The following INPP5D variants were observed in gnomAD, a reference collection of about 807,000 sequenced individuals.
INPP5D encodes the protein inositol polyphosphate-5-phosphatase D, also known as phosphatidylinositol 3,4,5-trisphosphate 5-phosphatase 1.
INPP5D carries 33 observed loss-of-function variants against 122.9 expected under a neutral mutation model. The ratio of observed to expected loss-of-function variants is 0.27; its 90% confidence interval spans 0.20 to 0.36. INPP5D has a LOEUF of 0.36. INPP5D is among the 10% of genes least tolerant of loss of function. The pLI is 1.00. For synonymous variants in INPP5D, 584 were observed against 576.2 expected, an observed-to-expected ratio of 1.01 and a Z score of -0.19; for missense variants, 1,053 against 1,412.7, an observed-to-expected ratio of 0.75 and a Z score of 4.08.
chr2:233,175,212 C>G (rs896643707), intron 17 of INPP5D, among the ~76,000 whole-genome samples: 2 of 62,082 alleles, frequency 3.2e-5, no homozygotes, highest in African/African-American at 1.5e-4. Flanking sequence ...GGCGAGACTC[C>G]ATCTCAAAAA....
At position 233,146,258 on chromosome 2, in the gene INPP5D, C is replaced by T; in HGVS notation, c.834+16C>T. On this transcript the variant is annotated intron_variant, in intron 7 of 26. Coordinates refer to ENST00000445964, the MANE Select transcript of INPP5D (RefSeq NM_001017915.3). Reference sequence around the variant, plus strand: ...TGAAGACAAGGTACGTGTGGGGCTCCTGCGGCTTCTCTTGGTCTCCTCTTT... The same window carrying T: ...TGAAGACAAGGTACGTGTGGGGCTCTTGCGGCTTCTCTTGGTCTCCTCTTT... The T allele has an allele frequency of 5.7e-6, 4 of 704,276 alleles. No individual in the cohort carries two copies. In the East Asian group the frequency reaches 1.1e-4, roughly 19 times the overall value. 43.6% of individuals were successfully genotyped at this position (704,276 alleles called of 1,614,324 possible).
intron 1 of INPP5D, among the ~76,000 whole-genome samples, chr2:233,073,598 C>T (rs1252828309): frequency 1.4e-5 from 2 of 144,494 alleles, no homozygotes; most frequent in African/African-American, 5.3e-5. Flanking sequence ...CGAGATCGAG[C>T]CATTGCACTC....
intron 2 of INPP5D, 60 bp downstream of exon 2, chr2:233,079,458 G>C (rs1388773803): frequency 1.0e-5 from 11 of 1,085,890 alleles, no homozygotes; most frequent in Admixed American, 8.6e-5. Context: ...GGCAGAGAAA[G>C]GGTGTAAACG....
chr2:233,205,735 C>G (rs1293388933), intron 26 of INPP5D: 1 of 152,076 alleles, frequency 6.6e-6, no homozygotes, highest in African/African-American at 2.4e-5. Flanking sequence ...CACTTTCCCT[C>G]TCCTTCATGT....
chr2:233,170,986 CT>C lies in INPP5D; in HGVS notation c.1901-77del. 3 of 1,564,632 alleles carry C rather than the reference CT, an allele frequency of 1.9e-6. No homozygotes were observed. Among genetic ancestry groups the C allele is most frequent in the Non-Finnish European group, 1.7e-6 (2 of 1,152,890 alleles). On this transcript the variant is annotated intron_variant, in intron 16 of 26. Transcript: ENST00000445964. The surrounding 1 kb of genome is among the most constrained non-coding windows in gnomAD (Gnocchi z 4.5). The stretch of plus-strand genomic sequence containing the variant: ...CTTTCGTCCCCTTTCCCCTGATTTC[CT>C]ACCAGAAGAATAGGGAAAATTGGCC...
At chr2:233,079,582 C>T (rs1467254720) in intron 2 of INPP5D, among the ~76,000 whole-genome samples, 184 bp downstream of exon 2, 1 of 152,126 alleles carries the variant, frequency 6.6e-6, no homozygotes, top group East Asian at 1.9e-4. Context: ...CTCCAAGTGA[C>T]CCTGCTCTGT....
chr2:233,195,458 A>C lies in INPP5D; in HGVS notation c.2656A>C (p.Ser886Arg), dbSNP rs1254624316. The C allele has an allele frequency of 1.9e-6, 3 of 1,611,220 alleles. No homozygotes were observed. The highest frequency in any genetic ancestry group is 2.5e-6 in the Non-Finnish European group (3 of 1,178,454). ...GCCAAAGACCCTGAAGAGCCTCACCAGCCACGACCCCATGAAGCAGTGGGA... is the reference window on the plus strand; with the variant it reads ...GCCAAAGACCCTGAAGAGCCTCACCCGCCACGACCCCATGAAGCAGTGGGA... ...SGPKTLKSLT[S>R]HDPMKQWEVT... is the part of the protein sequence containing the mutation. Residue 886 changes from serine (S) to arginine (R), a missense_variant, in exon 24 of 27, where the codon AGC (serine) becomes CGC (arginine). Transcript: ENST00000445964.
intron 1 of INPP5D, among the ~76,000 whole-genome samples, chr2:233,066,320 A>C (rs1011577186): frequency 6.6e-6 from 1 of 152,234 alleles, no homozygotes; most frequent in African/African-American, 2.4e-5. Flanking sequence ...TCATGATGAC[A>C]TGTGGTCCTC....
At chr2:233,069,350 T>A (rs56359974) in intron 1 of INPP5D, among the ~76,000 whole-genome samples, 7,994 of 152,130 alleles carry the variant, frequency 0.053, 550 homozygotes, top group African/African-American at 0.16. Flanking sequence ...TTCTTTAGAG[T>A]CACTTTAAAA....
chr2:233,159,196 G>A lies in INPP5D; in HGVS notation c.1137+777G>A, dbSNP rs140325602. Among the ~76,000 whole-genome samples, 596 of 152,300 alleles carry A rather than the reference G, an allele frequency of 3.9e-3. 4 individuals are homozygous for A. Among genetic ancestry groups the A allele is most frequent in the African/African-American group, 0.014 (563 of 41,558 alleles). ...GGGTTCCTGGGGTAAGAGGTGCTGT[G>A]GGCCACTGGGGAAACCCAGGCTGGG... is the stretch of plus-strand genomic sequence containing the variant. On this transcript the variant is annotated intron_variant, in intron 10 of 26. Coordinates refer to ENST00000445964, the MANE Select transcript of INPP5D (RefSeq NM_001017915.3).
intron 4 of INPP5D, among the ~76,000 whole-genome samples, chr2:233,129,682 C>T (rs188293525): frequency 1.3e-5 from 2 of 152,218 alleles, no homozygotes; most frequent in African/African-American, 4.8e-5. Flanking sequence ...AGACTCCCCC[C>T]ACAGAGCCTG....
At chr2:233,120,855 A>G (rs1237042298) in intron 2 of INPP5D, 1 of 152,294 alleles carries the variant, frequency 6.6e-6, no homozygotes, top group Non-Finnish European at 1.5e-5. Context: ...TCAGCAACAG[A>G]TACAAACCAG....
rs987536750 is a variant in INPP5D at position 233,183,205 on chromosome 2, G to A, written c.2161+706G>A. On this transcript the variant is annotated intron_variant, in intron 19 of 26. Coordinates refer to ENST00000445964, the MANE Select transcript of INPP5D (RefSeq NM_001017915.3). The surrounding 1 kb of genome is among the most constrained non-coding windows in gnomAD (Gnocchi z 4.6). ...AGCCCTTGGCCTAGGTGACCAGGGAGCCATGTTGTCTCTGCCCAGTCTCTG... is the reference window on the plus strand; with the variant it reads ...AGCCCTTGGCCTAGGTGACCAGGGAACCATGTTGTCTCTGCCCAGTCTCTG... 5.3e-5 allele frequency among the ~76,000 whole-genome samples: 8 copies of A among 152,178 alleles called. No individual in the cohort carries two copies. The highest frequency in any genetic ancestry group is 1.9e-4 in the African/African-American group (8 of 41,446).
chr2:233,185,064 G>A (rs1333104150), intron 20 of INPP5D, among the ~76,000 whole-genome samples: 5 of 152,178 alleles, frequency 3.3e-5, no homozygotes, highest in African/African-American at 7.2e-5. Context: ...CACCCTTTCC[G>A]GGTGACATTT....
At position 233,204,454 on chromosome 2, in the gene INPP5D, A is replaced by G; in HGVS notation, c.3304A>G (p.Ser1102Gly). 6.3e-7 allele frequency: 1 copy of G among 1,596,452 alleles called. No individual in the cohort carries two copies. Among genetic ancestry groups the G allele is most frequent in the Non-Finnish European group, 8.5e-7 (1 of 1,172,666 alleles). The change falls in exon 26 of 27, where the codon AGC becomes GGC. Residue 1102 changes from serine to glycine, a missense_variant. Ser to Gly is a moderately conservative substitution (Grantham distance 56). Coordinates refer to ENST00000445964, the MANE Select transcript of INPP5D (RefSeq NM_001017915.3). ...AEGRAAGGDK[S>G]QGKPKTPVSS... ...GGGCAGGGCGGCCGGCGGGGACAAGAGCCAAGGGAAGCCCAAGACCCCGGT... is the reference window on the plus strand; with the variant it reads ...GGGCAGGGCGGCCGGCGGGGACAAGGGCCAAGGGAAGCCCAAGACCCCGGT...
At position 233,177,381 on chromosome 2, in the gene INPP5D, C is replaced by T. The variant is rs760732729; in HGVS notation, c.2071+35C>T. Reference sequence around the variant, plus strand: ...AACACTGGGGAAAGCAGAACAGGATCAGAGAATGGCACCAAGCTGGGAGGT... The same window carrying T: ...AACACTGGGGAAAGCAGAACAGGATTAGAGAATGGCACCAAGCTGGGAGGT... On this transcript the variant is annotated intron_variant, in intron 18 of 26. Coordinates refer to ENST00000445964, the MANE Select transcript of INPP5D (RefSeq NM_001017915.3). This position sits in a 1 kb window ranked among gnomAD's most constrained non-coding sequence, Gnocchi z 4.2. The T allele has an allele frequency of 2.5e-6, 4 of 1,613,146 alleles. No homozygotes were observed. Among genetic ancestry groups the T allele is most frequent in the Middle Eastern group, 1.6e-4 (1 of 6,080 alleles).
chr2:233,125,702 C>A, intron 3 of INPP5D, 43 bp from the exon 4 acceptor site: 1 of 1,567,072 alleles, frequency 6.4e-7, no homozygotes, highest in Non-Finnish European at 8.7e-7. Flanking sequence ...CCGGGTTGTG[C>A]GCACAGTGTC....
chr2:233,165,861 T>TGTGTGTGCCCGTGTGTGC (rs1694320955), intron 13 of INPP5D, among the ~76,000 whole-genome samples: 1 of 151,974 alleles, frequency 6.6e-6, no homozygotes, highest in South Asian at 2.1e-4. Context: ...TGTGTGTGTG[T>TGTGTGTGCCCGTGTGTGC]GTGTGTGTGC....
At chr2:233,139,279 TAAAGCCCGAGGATTGG>T (rs1390726639) in intron 5 of INPP5D, among the ~76,000 whole-genome samples, 1 of 152,128 alleles carries the variant, frequency 6.6e-6, no homozygotes, top group African/African-American at 2.4e-5. Flanking sequence ...AAAGAGCGCA[TAAAGCCCGAGGATTGG>T]AGTTGTCAAT....
Sources: allele counts gnomAD v4.1 joint callset (sites outside exome capture counted in the v4.1 genomes callset), GRCh38; gene constraint gnomAD v4.1.1; non-coding constraint Gnocchi (gnomAD v3.1); transcripts MANE v1.5; gene names NCBI Gene and HGNC (gene_info 2026-07-23, HGNC 2026-07-21).